The following RBFOX1 variants were observed in gnomAD, a reference collection of about 807,000 sequenced individuals.
RBFOX1 encodes the protein RNA binding protein fox-1 homolog 1.
Under a neutral mutation model 57.7 loss-of-function variants are expected in RBFOX1, and 8 were observed. The ratio of observed to expected loss-of-function variants is 0.14; its 90% CI spans 0.08 to 0.25. The LOEUF (loss-of-function observed/expected upper bound fraction) is 0.25, where lower values mean the gene tolerates loss of function less well. RBFOX1 is among the 10% of genes least tolerant of loss of function. RBFOX1 has a pLI of 1.00. For synonymous variants in RBFOX1, 326 were observed against 222.4 expected, an observed-to-expected ratio of 1.47 and a Z score of -4.15; for missense variants, 611 against 548.5, an observed-to-expected ratio of 1.11 and a Z score of -1.14.
chr16:6,884,596 A>C (rs946925067), intron 3 of RBFOX1, among the ~76,000 whole-genome samples: 2 of 152,180 alleles, frequency 1.3e-5, no homozygotes, highest in Admixed American at 1.3e-4. Context: ...GAAGAGATTA[A>C]AAAACAAAAA....
intron 4 of RBFOX1, among the ~76,000 whole-genome samples, chr16:7,317,939 T>C (rs1040227023): frequency 6.6e-6 from 1 of 152,302 alleles, no homozygotes; most frequent in African/African-American, 2.4e-5. Flanking sequence ...CAATACATAC[T>C]TCTACTTTTG....
intron 4 of RBFOX1, among the ~76,000 whole-genome samples, chr16:5,929,865 G>C (rs1442408490): frequency 7.0e-6 from 1 of 143,116 alleles, no homozygotes; most frequent in Non-Finnish European, 1.5e-5. Flanking sequence ...AGAGTCTTCT[G>C]AGAGTCCAGA....
chr16:7,340,488 C>T (rs1309039771), intron 4 of RBFOX1, among the ~76,000 whole-genome samples: 5 of 152,224 alleles, frequency 3.3e-5, no homozygotes, highest in East Asian at 1.9e-4. Context: ...ACAGTCATGT[C>T]TTCCACTCGT....
chr16:6,783,431 A>G (rs1483947901), intron 3 of RBFOX1, among the ~76,000 whole-genome samples: 5 of 125,278 alleles, frequency 4.0e-5, no homozygotes, highest in South Asian at 2.6e-4. Context: ...TGTAGTTACC[A>G]TGAAGCTTGC....
intron 4 of RBFOX1, among the ~76,000 whole-genome samples, chr16:7,160,074 C>T (rs17670153): frequency 0.14 from 21,602 of 152,058 alleles, 1,734 homozygotes; most frequent in East Asian, 0.32. Context: ...ATTCAAGGGA[C>T]TCATAACAGT....
chr16:6,971,445 G>T (rs1454400402), intron 3 of RBFOX1, among the ~76,000 whole-genome samples: 1 of 151,904 alleles, frequency 6.6e-6, no homozygotes, highest in Non-Finnish European at 1.5e-5. Context: ...GGAGGGGTTG[G>T]CAGGGGTCCC....
At chr16:6,046,069 G>A (rs934582340) in intron 1 of RBFOX1, among the ~76,000 whole-genome samples, 5 of 152,160 alleles carry the variant, frequency 3.3e-5, no homozygotes, top group East Asian at 1.9e-4. Context: ...ATAGGAAGGC[G>A]TCTGATGGTT....
At chr16:7,435,121 C>G (rs2098711813) in intron 4 of RBFOX1, among the ~76,000 whole-genome samples, 1 of 151,884 alleles carries the variant, frequency 6.6e-6, no homozygotes, top group Non-Finnish European at 1.5e-5. Flanking sequence ...TTCAGATTTC[C>G]TTAGTTTTTA....
Position 5,770,351 on chromosome 16 carries a change from C to A in RBFOX1, c.319-96952C>A, listed in dbSNP as rs543995240. ...TATGCATTAATGCATTAGCATAAGCCGTTCCCATCAGTGACATAAGTTTAC... is the reference window on the plus strand; with the variant it reads ...TATGCATTAATGCATTAGCATAAGCAGTTCCCATCAGTGACATAAGTTTAC... On this transcript the variant is annotated intron_variant, in intron 3 of 19. Coordinates refer to the RBFOX1 transcript ENST00000641259. Among the ~76,000 whole-genome samples, 99 of 152,154 alleles carry A rather than the reference C, an allele frequency of 6.5e-4. 1 individual carries two copies. Among genetic ancestry groups the A allele is most frequent in the African/African-American group, 2.2e-3 (91 of 41,486 alleles).
At chr16:7,494,375 C>T (rs181938998) in intron 4 of RBFOX1, among the ~76,000 whole-genome samples, 39 of 152,240 alleles carry the variant, frequency 2.6e-4, no homozygotes, top group East Asian at 1.5e-3. Flanking sequence ...TTTCCAAGCC[C>T]GCTGTGTGAT....
chr16:5,465,353 A>T lies in RBFOX1; in HGVS notation c.220-1863A>T, dbSNP rs142994262. Reference sequence around the variant, plus strand: ...TCAGACTGGATCAGGGCCCAGTCTAACAGCCTCATTTTAATTTAATCACCT... The same window carrying T: ...TCAGACTGGATCAGGGCCCAGTCTATCAGCCTCATTTTAATTTAATCACCT... On this transcript the variant is annotated intron_variant, in intron 1 of 2. Coordinates refer to the RBFOX1 transcript ENST00000585867. Among the ~76,000 whole-genome samples, 457 of 152,308 alleles carry T rather than the reference A, an allele frequency of 3.0e-3. 2 individuals carry two copies. The highest frequency in any genetic ancestry group is 0.01 in the African/African-American group (432 of 41,556).
At position 6,009,550 on chromosome 16, in the gene RBFOX1, GT is replaced by G. The variant is rs2094947696; in HGVS notation, c.351+142216del. Among the ~76,000 whole-genome samples, 3 of 152,036 alleles carry G rather than the reference GT, an allele frequency of 2.0e-5. No individual in the cohort carries two copies. The South Asian group carries it at 6.2e-4, about 32-fold the overall frequency. ...ACCTGTAGATTTTAATATATTTATGGTGCATAATCAGTGCTTCAGAGACAGC... is the reference window on the plus strand; with the variant it reads ...ACCTGTAGATTTTAATATATTTATGGGCATAATCAGTGCTTCAGAGACAGC... On this transcript the variant is annotated intron_variant, in intron 4 of 19. Coordinates refer to the RBFOX1 transcript ENST00000641259.
intron 4 of RBFOX1, among the ~76,000 whole-genome samples, chr16:5,868,738 G>A (rs560268574): frequency 1.3e-5 from 2 of 152,290 alleles, no homozygotes; most frequent in Admixed American, 1.3e-4. Flanking sequence ...ATGTCCCCAT[G>A]ATCTTGTGAC....
chr16:7,209,017 G>T (rs2090566697), intron 4 of RBFOX1, among the ~76,000 whole-genome samples: 1 of 151,924 alleles, frequency 6.6e-6, no homozygotes, highest in African/African-American at 2.4e-5. Flanking sequence ...CTTTTCAGCT[G>T]GGCACAGTGG....
chr16:7,075,107 A>G (rs2058061563), intron 4 of RBFOX1, among the ~76,000 whole-genome samples: 1 of 152,212 alleles, frequency 6.6e-6, no homozygotes, highest in African/African-American at 2.4e-5. Context: ...GTTATTTGAA[A>G]TGTGTACTCA....
intron 4 of RBFOX1, among the ~76,000 whole-genome samples, chr16:6,013,674 T>A (rs1328718832): frequency 7.9e-5 from 12 of 152,190 alleles, no homozygotes; most frequent in Admixed American, 7.9e-4. Flanking sequence ...AAGCTTTGGT[T>A]TGCTCATCTA....
chr16:7,125,641 A>G (rs931146351), intron 4 of RBFOX1, among the ~76,000 whole-genome samples: 1 of 152,162 alleles, frequency 6.6e-6, no homozygotes, highest in African/African-American at 2.4e-5. Flanking sequence ...CGTTAACTCT[A>G]CAGAGGAAGC....
At chr16:6,544,260 A>C (rs1421653624) in intron 2 of RBFOX1, among the ~76,000 whole-genome samples, 2 of 152,132 alleles carry the variant, frequency 1.3e-5, no homozygotes, top group African/African-American at 4.8e-5. Context: ...TGGCCACCAC[A>C]GGTGTGGTTG....
At chr16:6,204,907 C>T (rs754122856) in intron 1 of RBFOX1, among the ~76,000 whole-genome samples, 47 of 152,246 alleles carry the variant, frequency 3.1e-4, no homozygotes, top group Admixed American at 7.2e-4. Context: ...CGATAACACA[C>T]GATTAAGTTT....
Sources: gnomAD v4.1 joint callset for allele counts (sites outside exome capture counted in the v4.1 genomes callset) on GRCh38, gnomAD v4.1.1 for gene constraint, MANE v1.5 for transcripts, NCBI Gene and HGNC (gene_info 2026-07-23, HGNC 2026-07-21) for gene names.